Variants in NTRK3 observed in about 807,000 individuals in gnomAD.
The protein encoded by NTRK3 is NT-3 growth factor receptor.
NTRK3 carries 24 observed loss-of-function variants against 91.7 expected under a neutral mutation model. The observed-to-expected ratio is 0.26, with a 90% confidence interval of 0.19 to 0.37. The LOEUF (loss-of-function observed/expected upper bound fraction) is 0.37, where lower values mean the gene tolerates loss of function less well. Ranked by LOEUF, NTRK3 falls within the 10% of genes least tolerant of loss-of-function variation. The probability of loss-of-function intolerance (pLI) is 1.00; values close to 1 mark genes in which losing one functional copy is unlikely to be tolerated. For synonymous variants in NTRK3, 483 were observed against 404.0 expected (o/e 1.20, Z -2.34); for missense variants, 880 against 1,068.9 (o/e 0.82, Z 2.46).
chr15:88,073,411 T>C (rs2047257078), intron 13 of NTRK3, among the ~76,000 whole-genome samples: 1 of 152,126 alleles, frequency 6.6e-6, no homozygotes, highest in African/African-American at 2.4e-5. Context: ...TCCCAGCTTG[T>C]TACTGATATA....
At chr15:88,087,297 G>T (rs1306274877) in intron 13 of NTRK3, among the ~76,000 whole-genome samples, 1 of 152,154 alleles carries the variant, frequency 6.6e-6, no homozygotes, top group Non-Finnish European at 1.5e-5. Context: ...ATCTCCACTA[G>T]GTCTTTCTCC....
intron 14 of NTRK3, among the ~76,000 whole-genome samples, chr15:87,945,138 CA>C (rs1361404795): frequency 6.6e-6 from 1 of 152,042 alleles, no homozygotes; most frequent in Admixed American, 6.5e-5. Context: ...CAATCTCCAA[CA>C]AAAAAGGGGC....
intron 6 of NTRK3, among the ~76,000 whole-genome samples, chr15:88,143,120 G>A (rs1169476461): frequency 6.6e-6 from 1 of 152,192 alleles, no homozygotes; most frequent in Non-Finnish European, 1.5e-5. Flanking sequence ...CTACTTGGGA[G>A]GCTGAGGCAG....
At chr15:87,986,684 C>G (rs982196726) in intron 14 of NTRK3, among the ~76,000 whole-genome samples, 1 of 152,252 alleles carries the variant, frequency 6.6e-6, no homozygotes, top group Non-Finnish European at 1.5e-5. Flanking sequence ...ATTCTGCCAA[C>G]TGACACTTGT....
rs1598212763 is a variant in NTRK3 at position 88,255,426 on chromosome 15, G to T, written c.248+480C>A. On this transcript the variant is annotated intron_variant, in intron 3 of 18. Transcript: ENST00000394480. This position sits in a 1 kb window ranked among gnomAD's most constrained non-coding sequence, Gnocchi z 4.3. ...CAAATGGAAATAGTTAAACACCTCGGCTGGATCGCGAGCAGTCCCTATCTG... is the reference window on the plus strand; with the variant it reads ...CAAATGGAAATAGTTAAACACCTCGTCTGGATCGCGAGCAGTCCCTATCTG... Among the ~76,000 whole-genome samples the T allele has an allele frequency of 6.6e-6, 1 of 152,310 alleles. No homozygotes were observed. Among genetic ancestry groups the T allele is most frequent in the East Asian group, 1.9e-4 (1 of 5,176 alleles).
intron 14 of NTRK3, among the ~76,000 whole-genome samples, chr15:88,024,723 G>A (rs1239828197): frequency 2.0e-5 from 3 of 152,294 alleles, no homozygotes; most frequent in African/African-American, 7.2e-5. Context: ...TGACATGTAG[G>A]GAAAGAGAAA....
exon 18 of NTRK3, chr15:87,880,308 A>G (rs778172624): frequency 5.0e-6 from 8 of 1,613,990 alleles, no homozygotes; most frequent in Non-Finnish European, 6.8e-6. Flanking sequence ...TGCTTTCCAT[A>G]GGTGAAGATC....
At chr15:88,247,829 G>C (rs923085171) in intron 3 of NTRK3, among the ~76,000 whole-genome samples, 1 of 152,186 alleles carries the variant, frequency 6.6e-6, no homozygotes, top group Non-Finnish European at 1.5e-5. Flanking sequence ...GAGCTTCCAT[G>C]AGCAATGAAG....
At chr15:88,145,080 C>A (rs2042763299) in intron 6 of NTRK3, among the ~76,000 whole-genome samples, 1 of 152,178 alleles carries the variant, frequency 6.6e-6, no homozygotes, top group Non-Finnish European at 1.5e-5. Context: ...ATCCCCACGC[C>A]CCAGCCCACA....
chr15:88,036,857 G>GGAGGAAGGACACGGAA (rs1413464261), intron 13 of NTRK3, among the ~76,000 whole-genome samples: 1 of 152,198 alleles, frequency 6.6e-6, no homozygotes, highest in African/African-American at 2.4e-5. Context: ...AAAGTGACAT[G>GGAGGAAGGACACGGAA]GAGGAAGGAC....
exon 19 of NTRK3, chr15:87,863,524 CTT>C (rs36088298): frequency 5.1e-4 from 99 of 193,964 alleles, no homozygotes; most frequent in Middle Eastern, 1.6e-3. Context: ...TTCCAAAAGT[CTT>C]TTTTTTTTTT....
At chr15:88,179,558 A>T (rs1445519157) in intron 5 of NTRK3, among the ~76,000 whole-genome samples, 1 of 152,266 alleles carries the variant, frequency 6.6e-6, no homozygotes, top group Non-Finnish European at 1.5e-5. Context: ...CAGCTCAGAC[A>T]GACGTCTACA....
At chr15:88,224,294 C>A (rs1412351132) in intron 3 of NTRK3, among the ~76,000 whole-genome samples, 1 of 152,206 alleles carries the variant, frequency 6.6e-6, no homozygotes, top group African/African-American at 2.4e-5. Flanking sequence ...GAGACTAGGA[C>A]AGGCTGAACA....
exon 19 of NTRK3, chr15:87,863,530 T>TA (rs2064580484): frequency 4.6e-6 from 1 of 219,660 alleles, no homozygotes. Flanking sequence ...AAGTCTTTTT[T>TA]TTTTTTTGTA....
chr15:88,023,990 T>C (rs958278483), intron 14 of NTRK3, among the ~76,000 whole-genome samples: 1 of 152,224 alleles, frequency 6.6e-6, no homozygotes, highest in African/African-American at 2.4e-5. Flanking sequence ...ACACCCATCA[T>C]TACCCTACGC....
intron 13 of NTRK3, among the ~76,000 whole-genome samples, chr15:88,115,160 A>G (rs1385050743): frequency 6.6e-6 from 1 of 152,188 alleles, no homozygotes; most frequent in East Asian, 1.9e-4. Flanking sequence ...ACACTGGGCA[A>G]CAGCAAACAG....
intron 3 of NTRK3, among the ~76,000 whole-genome samples, chr15:88,247,541 C>A (rs1305869730): frequency 2.6e-5 from 4 of 152,236 alleles, no homozygotes; most frequent in African/African-American, 9.7e-5. Context: ...AAATAACCAA[C>A]GTGGTGCCCA....
chr15:88,178,118 T>A (rs928976613), intron 5 of NTRK3, among the ~76,000 whole-genome samples: 1 of 152,182 alleles, frequency 6.6e-6, no homozygotes, highest in Non-Finnish European at 1.5e-5. Flanking sequence ...GGAGAAGCAG[T>A]GAGGGAGACC....
intron 17 of NTRK3, among the ~76,000 whole-genome samples, chr15:87,880,958 A>G (rs1279248603): frequency 1.3e-5 from 2 of 152,226 alleles, no homozygotes; most frequent in East Asian, 3.8e-4. Flanking sequence ...ACATTCCAAA[A>G]GCGTGGAAGA....
Sources: gnomAD v4.1 joint callset for allele counts (sites outside exome capture counted in the v4.1 genomes callset) on GRCh38, gnomAD v4.1.1 for gene constraint, Gnocchi (gnomAD v3.1) non-coding constraint, MANE v1.5 for transcripts, NCBI Gene and HGNC (gene_info 2026-07-23, HGNC 2026-07-21) for gene names.